The following MAMLD1 variants were observed in gnomAD, a reference collection of about 807,000 sequenced individuals.
The protein encoded by MAMLD1 is mastermind like domain containing 1, also known as mastermind-like domain-containing protein 1.
In MAMLD1, 14 loss-of-function variants were observed where a neutral mutation model predicts 45.0. The ratio of observed to expected loss-of-function variants is 0.31; its 90% confidence interval spans 0.21 to 0.49. MAMLD1 has a LOEUF of 0.49. Among genes scored for constraint, MAMLD1 ranks in the 20% least tolerant of loss-of-function variants. The probability of loss-of-function intolerance (pLI) is 0.99; values close to 1 mark genes in which losing one functional copy is unlikely to be tolerated. For synonymous variants in MAMLD1, 254 were observed against 247.8 expected (o/e 1.02, Z -0.24); for missense variants, 543 against 603.6 (o/e 0.90, Z 1.05).
At chrX:150,509,916 T>C (rs1557409040) in intron 6 of MAMLD1, 46 bp from the exon 7 acceptor site, 2 of 944,574 alleles carry the variant, frequency 2.1e-6, no homozygotes, top group Non-Finnish European at 3.1e-6. Flanking sequence ...GGCTAATTAT[T>C]AATTGGTAGC....
intron 1 of MAMLD1, among the ~76,000 whole-genome samples, chrX:150,423,372 GTGTGTGTGTGTGTT>G (rs1156942411): frequency 7.4e-5 from 8 of 107,555 alleles, no homozygotes; most frequent in South Asian, 4.1e-4. Flanking sequence ...GTGTGTGTGT[GTGTGTGTGTGTGTT>G]TGCACCTTTG....
At chrX:150,451,843 T>A (rs1418183164) in intron 2 of MAMLD1, among the ~76,000 whole-genome samples, 1 of 111,045 alleles carries the variant, frequency 9.0e-6, no homozygotes, top group African/African-American at 3.3e-5. Flanking sequence ...GGCGCAGGCA[T>A]GTCTCTGCTG....
At chrX:150,502,857 G>A (rs1390237727) in intron 5 of MAMLD1, among the ~76,000 whole-genome samples, 1 of 111,783 alleles carries the variant, frequency 8.9e-6, no homozygotes, top group Non-Finnish European at 1.9e-5. Flanking sequence ...GTGGGATCAG[G>A]CTTGGTCAAA....
intron 1 of MAMLD1, among the ~76,000 whole-genome samples, chrX:150,380,616 T>C (rs2032556365): frequency 8.9e-6 from 1 of 111,925 alleles, no homozygotes; most frequent in Non-Finnish European, 1.9e-5. Flanking sequence ...AAAGAGAAAT[T>C]CACCAAATTT....
intron 5 of MAMLD1, among the ~76,000 whole-genome samples, chrX:150,484,792 A>T (rs1557407519): frequency 8.9e-6 from 1 of 112,679 alleles, no homozygotes; most frequent in Non-Finnish European, 1.9e-5. Flanking sequence ...CTAGATTGAC[A>T]TCCAGTTTAG....
At chrX:150,366,140 G>C (rs1468817949) in intron 1 of MAMLD1, among the ~76,000 whole-genome samples, 13 of 111,353 alleles carry the variant, frequency 1.2e-4, no homozygotes, top group Admixed American at 7.5e-4. Flanking sequence ...TCTCCCAAGC[G>C]AAGTCAGATT....
chrX:150,391,360 T>TTTTTGTTTTGTATTGTTTTG (rs1180975708), intron 1 of MAMLD1, among the ~76,000 whole-genome samples: 19 of 111,274 alleles, frequency 1.7e-4, no homozygotes, highest in African/African-American at 5.6e-4. Flanking sequence ...CTTCTTCTTT[T>TTTTTGTTTTGTATTGTTTTG]TTTTGTTTTG....
intron 5 of MAMLD1, among the ~76,000 whole-genome samples, chrX:150,482,554 G>A (rs2036850401): frequency 8.9e-6 from 1 of 112,561 alleles, no homozygotes. Context: ...AGTAAAGGCT[G>A]CAATTTTAAA....
At chrX:150,392,177 G>C (rs1480628895) in intron 1 of MAMLD1, among the ~76,000 whole-genome samples, 3 of 112,119 alleles carry the variant, frequency 2.7e-5, no homozygotes, top group African/African-American at 6.5e-5. Context: ...CTGATACCAA[G>C]TTGAAAGGGA....
chrX:150,428,627 G>C (rs1207480971), intron 1 of MAMLD1, among the ~76,000 whole-genome samples: 2 of 112,151 alleles, frequency 1.8e-5, no homozygotes, highest in Admixed American at 9.4e-5. Context: ...TCTGCTTAAG[G>C]GCTATTTCAT....
chrX:150,468,020 G>A (rs2036278506), intron 3 of MAMLD1, among the ~76,000 whole-genome samples: 1 of 112,247 alleles, frequency 8.9e-6, no homozygotes, highest in South Asian at 3.7e-4. Flanking sequence ...AGGTTCAGTG[G>A]CAAGGCCAAG....
chrX:150,478,152 C>A (rs1557406943), intron 5 of MAMLD1, among the ~76,000 whole-genome samples: 2 of 111,996 alleles, frequency 1.8e-5, no homozygotes, highest in South Asian at 7.5e-4. Context: ...AAATTAAATT[C>A]TTTATATTTG....
intron 1 of MAMLD1, among the ~76,000 whole-genome samples, chrX:150,368,476 A>G (rs1431349971): frequency 4.2e-4 from 46 of 108,846 alleles, no homozygotes; most frequent in African/African-American, 1.5e-3. Context: ...TTGTCAGATG[A>G]GTAGATTGCA....
chrX:150,445,785 C>T (rs1308270757), intron 2 of MAMLD1, among the ~76,000 whole-genome samples, 173 bp downstream of exon 2: 1 of 111,281 alleles, frequency 9.0e-6, no homozygotes, highest in African/African-American at 3.3e-5. Flanking sequence ...CTGATCCCAC[C>T]CCTTGTGGGT....
At chrX:150,464,533 T>A (rs1419346754) in intron 3 of MAMLD1, among the ~76,000 whole-genome samples, 2 of 112,220 alleles carry the variant, frequency 1.8e-5, no homozygotes, top group Non-Finnish European at 3.8e-5. Context: ...CATCCCCAAA[T>A]ACAGGCATTG....
rs180901541 is a variant in MAMLD1 at position 150,388,236 on chromosome X, T to A, written c.-64+24706T>A. Reference sequence around the variant, plus strand: ...TTTAGATTATATATTTCATGTTGTTTAAGTTGTGACAGTTAGCTAATAATT... The same window carrying A: ...TTTAGATTATATATTTCATGTTGTTAAAGTTGTGACAGTTAGCTAATAATT... On this transcript the variant is annotated intron_variant, in intron 1 of 7. Transcript: ENST00000370401. Among the ~76,000 whole-genome samples, 971 of 112,098 alleles carry A rather than the reference T, an allele frequency of 8.7e-3. 11 individuals carry two copies. Among genetic ancestry groups the A allele is most frequent in the African/African-American group, 0.029 (912 of 30,937 alleles).
At chrX:150,473,848 T>A (rs782276180) in intron 5 of MAMLD1, 46 bp downstream of exon 5, 1 of 1,176,278 alleles carries the variant, frequency 8.5e-7, no homozygotes, top group Non-Finnish European at 1.2e-6. Context: ...TACATTTTTG[T>A]AGACTGATTG....
At position 150,512,247 on chromosome X, in the gene MAMLD1, T is replaced by C; in HGVS notation, c.*288T>C. On this transcript the variant is annotated 3_prime_UTR_variant, in exon 8 of 8. Coordinates refer to ENST00000370401, the MANE Select transcript of MAMLD1 (RefSeq NM_005491.5). ...CTCTCACACTCAGGCCAGACTCCCC[T>C]GGGCAGACTTGACTCTGTCTGCCAG... 9.0e-7 allele frequency: 1 copy of C among 1,114,681 alleles called. No homozygotes were observed. Among genetic ancestry groups the C allele is most frequent in the Non-Finnish European group, 1.2e-6 (1 of 849,711 alleles). The allele number at this position is 1,114,681 out of a possible 1,213,427, so 91.9% of individuals were successfully genotyped here. A position where few individuals can be genotyped will look rare whatever the true frequency, so the allele number is the denominator to read the frequency against.
intron 1 of MAMLD1, among the ~76,000 whole-genome samples, chrX:150,425,266 G>A (rs1366911222): frequency 2.7e-5 from 3 of 111,123 alleles, no homozygotes; most frequent in Admixed American, 1.9e-4. Context: ...ATCTAGGAGT[G>A]GAATTGTAGG....
Sources: allele counts gnomAD v4.1 joint callset (sites outside exome capture counted in the v4.1 genomes callset), GRCh38; gene constraint gnomAD v4.1.1; transcripts MANE v1.5; gene names NCBI Gene and HGNC (gene_info 2026-07-23, HGNC 2026-07-21).